Variants in DLGAP1 observed in about 807,000 individuals in gnomAD.
DLGAP1 encodes DLG associated protein 1, also known as disks large-associated protein 1.
Under a neutral mutation model 90.8 loss-of-function variants are expected in DLGAP1, and 11 were observed. The observed-to-expected ratio is 0.12, with a 90% confidence interval of 0.08 to 0.20. The LOEUF is 0.20. Ranked by LOEUF, DLGAP1 falls within the 10% of genes least tolerant of loss-of-function variation. DLGAP1 has a pLI of 1.00. For synonymous variants in DLGAP1, 558 were observed against 540.7 expected (o/e 1.03, Z -0.44); for missense variants, 1,050 against 1,333.8 (o/e 0.79, Z 3.31).
chr18:3,814,281 G>T lies in DLGAP1; in HGVS notation c.958-8C>A, dbSNP rs769841377. 1 of 1,610,084 alleles carries T rather than the reference G, an allele frequency of 6.2e-7. No individual in the cohort carries two copies. The highest frequency in any genetic ancestry group is 8.5e-7 in the Non-Finnish European group (1 of 1,177,096). ...CCATTCATCTTGTGGAACCTATTCA[G>T]ATAGAAAACAGATAAATCACTTTTT... On this transcript the variant is annotated splice_region_variant and splice_polypyrimidine_tract_variant and intron_variant, in intron 4 of 12. Transcript: ENST00000315677.
chr18:3,965,090 CTCTTTGTAAACAAAGAGA>C (rs1244054224), intron 3 of DLGAP1, among the ~76,000 whole-genome samples: 10 of 152,220 alleles, frequency 6.6e-5, no homozygotes, highest in Middle Eastern at 3.4e-3. Flanking sequence ...GTGAAAAGAT[CTCTTTGTAAACAAAGAGA>C]TCTTTGTAAA....
intron 4 of DLGAP1, among the ~76,000 whole-genome samples, chr18:3,815,522 C>T (rs942295735): frequency 1.3e-5 from 2 of 152,122 alleles, no homozygotes; most frequent in African/African-American, 4.8e-5. Context: ...TTGTTCCTTT[C>T]CTTTTGCTTT....
chr18:4,164,271 G>A (rs2144532400), intron 1 of DLGAP1, among the ~76,000 whole-genome samples: 1 of 152,142 alleles, frequency 6.6e-6, no homozygotes, highest in African/African-American at 2.4e-5. Context: ...CAAAAATCAA[G>A]GAAACAACAA....
At chr18:3,561,690 G>T (rs530584571) in intron 9 of DLGAP1, among the ~76,000 whole-genome samples, 1 of 150,586 alleles carries the variant, frequency 6.6e-6, no homozygotes. Context: ...ATTTCACTCT[G>T]TTCTTGCATG....
intron 6 of DLGAP1, among the ~76,000 whole-genome samples, chr18:3,736,460 T>G (rs1888225080): frequency 6.6e-6 from 1 of 152,214 alleles, no homozygotes; most frequent in African/African-American, 2.4e-5. Flanking sequence ...AACTCCTTGG[T>G]GTACTCAACT....
intron 1 of DLGAP1, among the ~76,000 whole-genome samples, chr18:4,202,521 T>A (rs1300039627): frequency 6.6e-6 from 1 of 152,020 alleles, no homozygotes; most frequent in Non-Finnish European, 1.5e-5. Context: ...ATAGACTATA[T>A]CCAATAGAAA....
At chr18:3,812,776 C>T (rs907323863) in intron 5 of DLGAP1, among the ~76,000 whole-genome samples, 3 of 152,178 alleles carry the variant, frequency 2.0e-5, no homozygotes, top group Non-Finnish European at 2.9e-5. Flanking sequence ...AAATTCCCAT[C>T]GCACAATAGT....
At chr18:3,764,947 AG>A (rs1366681978) in intron 5 of DLGAP1, among the ~76,000 whole-genome samples, 1 of 152,002 alleles carries the variant, frequency 6.6e-6, no homozygotes, top group Non-Finnish European at 1.5e-5. Flanking sequence ...AGGGAAGAAC[AG>A]GGGTGAGAAA....
chr18:3,971,151 A>G (rs1053832590), intron 3 of DLGAP1, among the ~76,000 whole-genome samples: 2 of 152,100 alleles, frequency 1.3e-5, no homozygotes, highest in African/African-American at 4.8e-5. Context: ...GCTTTTCTCC[A>G]CCCAGCTTTC....
chr18:3,562,981 A>C (rs12604862), intron 9 of DLGAP1, among the ~76,000 whole-genome samples: 23,726 of 151,914 alleles, frequency 0.16, 2,094 homozygotes, highest in East Asian at 0.27. Context: ...GGCATGCACC[A>C]CAGCCAGATA....
chr18:3,879,796 G>C lies in DLGAP1; in HGVS notation c.273C>G (p.Thr91=). The change falls in exon 4 of 13, where the codon ACC becomes ACG. Residue 91 remains threonine (T), a synonymous_variant. Coordinates refer to ENST00000315677, the MANE Select transcript of DLGAP1 (RefSeq NM_004746.4). The surrounding 1 kb of genome is among the most constrained non-coding windows in gnomAD (Gnocchi z 6.6). ...GGATGCGGTTCGCCTTGGTGGCCAG[G>C]GTGCGGGGCACCAGGGCACACTCGT... ...LKDECALVPR[T]LATKANRIPA... The C allele has an allele frequency of 6.2e-7, 1 of 1,607,496 alleles. No homozygotes were observed. Among genetic ancestry groups the C allele is most frequent in the Non-Finnish European group, 8.5e-7 (1 of 1,179,896 alleles).
chr18:3,902,408 C>G (rs2148882116), intron 3 of DLGAP1, among the ~76,000 whole-genome samples: 1 of 152,230 alleles, frequency 6.6e-6, no homozygotes, highest in Non-Finnish European at 1.5e-5. Context: ...TGGACCTGGC[C>G]AAAATCATGA....
intron 1 of DLGAP1, among the ~76,000 whole-genome samples, chr18:4,255,017 A>C (rs1000500455): frequency 2.6e-5 from 4 of 152,246 alleles, no homozygotes; most frequent in African/African-American, 9.6e-5. Context: ...GCACAGAATT[A>C]GCATGATGGA....
chr18:3,509,792 T>C (rs2050439431), intron 10 of DLGAP1, among the ~76,000 whole-genome samples: 1 of 152,242 alleles, frequency 6.6e-6, no homozygotes, highest in Non-Finnish European at 1.5e-5. Context: ...CAGGGTTTTC[T>C]AGCAATTTGC....
rs181803092 is a variant in DLGAP1, at chr18:3,511,105, G to C, written c.2480-2444C>G. 3.9e-5 allele frequency among the ~76,000 whole-genome samples: 6 copies of C among 152,298 alleles called. No individual in the cohort carries two copies. In the East Asian group the frequency reaches 1.2e-3, roughly 29 times the overall value. ...ATACTTGCAATTCCTGTGTCCAGGA[G>C]ATGACCGTTCCTAGGCCCAGGGTGG... On this transcript the variant is annotated intron_variant, in intron 10 of 12. Transcript: ENST00000315677.
chr18:4,444,830 T>C (rs925243114), intron 1 of DLGAP1, among the ~76,000 whole-genome samples: 3 of 152,208 alleles, frequency 2.0e-5, no homozygotes, highest in Non-Finnish European at 4.4e-5. Flanking sequence ...TCACATAAGG[T>C]GACTCATTTA....
intron 1 of DLGAP1, among the ~76,000 whole-genome samples, chr18:4,163,437 T>G (rs1287587415): frequency 6.6e-6 from 1 of 152,222 alleles, no homozygotes; most frequent in Non-Finnish European, 1.5e-5. Flanking sequence ...GTGTTCCAGG[T>G]AGCAGAGTGA....
At chr18:3,652,364 G>A (rs971269018) in intron 7 of DLGAP1, among the ~76,000 whole-genome samples, 1 of 152,068 alleles carries the variant, frequency 6.6e-6, no homozygotes, top group Admixed American at 6.5e-5. Context: ...GTCTCGCTCT[G>A]TTGACCAGGC....
intron 11 of DLGAP1, among the ~76,000 whole-genome samples, chr18:3,506,857 C>T (rs1202466871): frequency 6.6e-6 from 1 of 151,846 alleles, no homozygotes; most frequent in Non-Finnish European, 1.5e-5. Flanking sequence ...AGTTCTGTAC[C>T]TGGCCCACAG....
Sources: gnomAD v4.1 joint callset for allele counts (sites outside exome capture counted in the v4.1 genomes callset) on GRCh38, gnomAD v4.1.1 for gene constraint, Gnocchi (gnomAD v3.1) non-coding constraint, MANE v1.5 for transcripts, NCBI Gene and HGNC (gene_info 2026-07-23, HGNC 2026-07-21) for gene names.